The following GNG7 variants were observed in gnomAD, a reference collection of about 807,000 sequenced individuals.
GNG7 encodes the protein guanine nucleotide-binding protein G(I)/G(S)/G(O) subunit gamma-7.
Under a neutral mutation model 4.0 loss-of-function variants are expected in GNG7, and 1 was observed. The observed-to-expected ratio is 0.25, with a 90% CI of 0.09 to 1.18. The LOEUF (loss-of-function observed/expected upper bound fraction) is 1.18, where lower values mean the gene tolerates loss of function less well. Ranked by LOEUF, GNG7 falls within the 50% of genes most tolerant of loss-of-function variation. The pLI is 0.50. For synonymous variants in GNG7, 34 were observed against 36.9 expected (o/e 0.92, Z 0.29); for missense variants, 86 against 91.9 (o/e 0.94, Z 0.26).
intron 2 of GNG7, among the ~76,000 whole-genome samples, chr19:2,591,284 T>C (rs1394076728): frequency 6.6e-6 from 1 of 152,128 alleles, no homozygotes; most frequent in Non-Finnish European, 1.5e-5. Context: ...TCAGGCATAC[T>C]CCTACTTGCC....
At chr19:2,529,448 C>T (rs1978516973) in intron 3 of GNG7, among the ~76,000 whole-genome samples, 1 of 151,972 alleles carries the variant, frequency 6.6e-6, no homozygotes, top group Admixed American at 6.6e-5. Context: ...GAACTCCTGA[C>T]CTCAGGTGAT....
intron 3 of GNG7, among the ~76,000 whole-genome samples, chr19:2,554,180 T>C (rs1347476567): frequency 1.4e-5 from 2 of 147,122 alleles, no homozygotes; most frequent in African/African-American, 5.0e-5. Context: ...ATAATATATA[T>C]ATTTTTTTCT....
chr19:2,513,610 C>G lies in GNG7; in HGVS notation c.*1412G>C. On this transcript the variant is annotated 3_prime_UTR_variant, in exon 5 of 5. Transcript: ENST00000382159. ...CATCTCCCGGCCTCAGACAGCCGTC[C>G]TGGGTTGCACGGGGGTGGAAAAGCA... 1.0e-6 allele frequency: 1 copy of G among 984,334 alleles called. No homozygotes were observed. Among genetic ancestry groups the G allele is most frequent in the Non-Finnish European group, 1.2e-6 (1 of 828,940 alleles). The allele number at this position is 984,334 out of a possible 1,614,324, so 61.0% of individuals were successfully genotyped here.
chr19:2,529,808 C>T (rs1978526984), intron 3 of GNG7, among the ~76,000 whole-genome samples: 2 of 152,160 alleles, frequency 1.3e-5, no homozygotes, highest in Non-Finnish European at 2.9e-5. Flanking sequence ...TAAGGGCTGA[C>T]ACCTGCTCCT....
chr19:2,513,577 G>A lies in GNG7; in HGVS notation c.*1445C>T, dbSNP rs938788198. 2.0e-6 allele frequency: 2 copies of A among 985,462 alleles called. No homozygotes were observed. The highest frequency in any genetic ancestry group is 6.1e-5 in the Admixed American group (1 of 16,272). The allele number at this position is 985,462 out of a possible 1,614,324, so 61.0% of individuals were successfully genotyped here. A position where few individuals can be genotyped will look rare whatever the true frequency, so the allele number is the denominator to read the frequency against. The stretch of plus-strand genomic sequence containing the variant: ...CGCTGGGAGGAGTGGCCCATCCTGC[G>A]TCTAAGGCATCTCCCGGCCTCAGAC... On this transcript the variant is annotated 3_prime_UTR_variant, in exon 5 of 5. Coordinates refer to ENST00000382159, the MANE Select transcript of GNG7 (RefSeq NM_052847.3).
chr19:2,678,249 C>T (rs1176999776), intron 1 of GNG7, among the ~76,000 whole-genome samples: 2 of 152,138 alleles, frequency 1.3e-5, no homozygotes, highest in Admixed American at 1.3e-4. Context: ...GCACATGCTA[C>T]ATTGAGGAAG....
At chr19:2,628,802 G>A (rs1982085088) in intron 2 of GNG7, among the ~76,000 whole-genome samples, 2 of 152,122 alleles carry the variant, frequency 1.3e-5, no homozygotes, top group Non-Finnish European at 1.5e-5. Flanking sequence ...CACCCAGGAT[G>A]TCTCCTTTTT....
At chr19:2,608,644 G>A (rs781220146) in intron 2 of GNG7, among the ~76,000 whole-genome samples, 2 of 152,176 alleles carry the variant, frequency 1.3e-5, no homozygotes, top group Non-Finnish European at 1.5e-5. Flanking sequence ...GGTGCCTCCC[G>A]GGCAACCCCC....
intron 3 of GNG7, among the ~76,000 whole-genome samples, chr19:2,554,005 A>G (rs1258367981): frequency 6.8e-6 from 1 of 146,686 alleles, no homozygotes; most frequent in Non-Finnish European, 1.5e-5. Context: ...ACACATATGT[A>G]TATATTATAT....
chr19:2,689,482 G>T (rs1007197989), intron 1 of GNG7, among the ~76,000 whole-genome samples: 1 of 151,768 alleles, frequency 6.6e-6, no homozygotes, highest in Non-Finnish European at 1.5e-5. Flanking sequence ...AAATAGCCGG[G>T]TGTGGTGGTG....
At position 2,611,889 on chromosome 19, in the gene GNG7, T is replaced by C. The variant is rs1197207350; in HGVS notation, c.-78+34335A>G. ...AAATAAAAATAAAAATCTTTTTTTT[T>C]TTTGAGATGGAGTCTCGCTCTGTCA... On this transcript the variant is annotated intron_variant, in intron 2 of 4. Transcript: ENST00000382159. The surrounding 1 kb of genome is among the most constrained non-coding windows in gnomAD (Gnocchi z 6.0). 1.3e-5 allele frequency: 2 copies of C among 152,078 alleles called. No individual in the cohort carries two copies. Among genetic ancestry groups the C allele is most frequent in the Non-Finnish European group, 2.9e-5 (2 of 68,012 alleles). The allele number at this position is 152,078 out of a possible 1,614,324, so 9.4% of individuals were successfully genotyped here.
chr19:2,683,046 C>T (rs535492178), intron 1 of GNG7, among the ~76,000 whole-genome samples: 33 of 152,100 alleles, frequency 2.2e-4, no homozygotes, highest in African/African-American at 7.5e-4. Context: ...GCCTGGCCAA[C>T]GTGGTGAAAC....
rs1324454367 is a variant in GNG7 at position 2,634,446 on chromosome 19, G to A, written c.-78+11778C>T. Reference sequence around the variant, plus strand: ...CCCTGCTATAGAGGGTCAAGGTCATGTCCAAGCTCTCCTACCGCCGGGAAG... The same window carrying A: ...CCCTGCTATAGAGGGTCAAGGTCATATCCAAGCTCTCCTACCGCCGGGAAG... On this transcript the variant is annotated intron_variant, in intron 2 of 4. Coordinates refer to ENST00000382159, the MANE Select transcript of GNG7 (RefSeq NM_052847.3). The surrounding 1 kb of genome is among the most constrained non-coding windows in gnomAD (Gnocchi z 5.3). Among the ~76,000 whole-genome samples, 1 of 152,206 alleles carries A rather than the reference G, an allele frequency of 6.6e-6. No homozygotes were observed. The highest frequency in any genetic ancestry group is 1.5e-5 in the Non-Finnish European group (1 of 68,036).
chr19:2,614,801 T>C lies in GNG7; in HGVS notation c.-78+31423A>G, dbSNP rs1981673708. On this transcript the variant is annotated intron_variant, in intron 2 of 4. Transcript: ENST00000382159. This position sits in a 1 kb window ranked among gnomAD's most constrained non-coding sequence, Gnocchi z 6.0. Reference sequence around the variant, plus strand: ...CTTCCAATTCCTCTGGGCAGATAACTAGGAGCGGAATTGCTGGGTCATGTG... The same window carrying C: ...CTTCCAATTCCTCTGGGCAGATAACCAGGAGCGGAATTGCTGGGTCATGTG... 6.6e-6 allele frequency among the ~76,000 whole-genome samples: 1 copy of C among 152,226 alleles called. No individual in the cohort carries two copies. The highest frequency in any genetic ancestry group is 2.1e-4 in the South Asian group (1 of 4,830).
At position 2,587,361 on chromosome 19, in the gene GNG7, C is replaced by T. The variant is rs370488562; in HGVS notation, c.-77-32173G>A. On this transcript the variant is annotated intron_variant, in intron 2 of 4. Transcript: ENST00000382159. ...TTCCTCTGCCGGGGAAGCTCACCCACGTTCTCAGGTCCTGGGCGGAAGGGC... is the reference window on the plus strand; with the variant it reads ...TTCCTCTGCCGGGGAAGCTCACCCATGTTCTCAGGTCCTGGGCGGAAGGGC... 1.0e-3 allele frequency among the ~76,000 whole-genome samples: 153 copies of T among 152,290 alleles called. 1 individual carries two copies. Among genetic ancestry groups the T allele is most frequent in the African/African-American group, 3.4e-3 (140 of 41,558 alleles).
At chr19:2,602,428 C>A (rs182752103) in intron 2 of GNG7, among the ~76,000 whole-genome samples, 6 of 152,318 alleles carry the variant, frequency 3.9e-5, no homozygotes, top group Admixed American at 3.9e-4. Context: ...CCCTCCTGCA[C>A]GCTTTTAAGC....
intron 2 of GNG7, among the ~76,000 whole-genome samples, chr19:2,625,890 C>G (rs936062633): frequency 6.6e-6 from 1 of 152,112 alleles, no homozygotes; most frequent in Non-Finnish European, 1.5e-5. Context: ...CGGGTTCAAG[C>G]GATTCTCCTG....
chr19:2,599,649 G>T (rs1312353163), intron 2 of GNG7, among the ~76,000 whole-genome samples: 2 of 152,158 alleles, frequency 1.3e-5, no homozygotes, highest in Non-Finnish European at 2.9e-5. Context: ...TGAAAACCGG[G>T]GGTTAGGCCG....
At chr19:2,568,137 A>G (rs188606937) in intron 2 of GNG7, among the ~76,000 whole-genome samples, 184 of 151,788 alleles carry the variant, frequency 1.2e-3, no homozygotes, top group Non-Finnish European at 2.2e-3. Flanking sequence ...ACATACACAC[A>G]TATACACATG....
Sources: allele counts gnomAD v4.1 joint callset (sites outside exome capture counted in the v4.1 genomes callset), GRCh38; gene constraint gnomAD v4.1.1; non-coding constraint Gnocchi (gnomAD v3.1); transcripts MANE v1.5; gene names NCBI Gene and HGNC (gene_info 2026-07-23, HGNC 2026-07-21).